LRP1B: variants seen among roughly 807,000 people sequenced by gnomAD.
LRP1B encodes the protein LDL receptor related protein 1B, also known as low-density lipoprotein receptor-related protein 1B.
Under a neutral mutation model 556.6 loss-of-function variants are expected in LRP1B, and 217 were observed. The observed-to-expected ratio is 0.39, with a 90% CI of 0.35 to 0.44. LRP1B has a LOEUF of 0.44. Among genes scored for constraint, LRP1B ranks in the 20% least tolerant of loss-of-function variants. The pLI is 1.00. For missense variants in LRP1B, 5,053 were observed against 5,620.8 expected (o/e 0.90, Z 3.23); for synonymous variants, 2,047 against 1,865.8 (o/e 1.10, Z -2.50).
chr2:141,596,989 G>C (rs779884432), intron 2 of LRP1B, among the ~76,000 whole-genome samples: 4 of 150,810 alleles, frequency 2.7e-5, no homozygotes, highest in Non-Finnish European at 5.9e-5. Flanking sequence ...GTAAAAAAAA[G>C]TCAGAACTGA....
chr2:142,078,922 G>T (rs941455271), intron 1 of LRP1B, among the ~76,000 whole-genome samples: 6 of 152,036 alleles, frequency 3.9e-5, no homozygotes, highest in African/African-American at 1.4e-4. Flanking sequence ...ATTCTATATG[G>T]CTTATAATCT....
chr2:140,323,916 G>T lies in LRP1B; in HGVS notation c.12491C>A (p.Ser4164Tyr). The T allele has an allele frequency of 6.4e-7, 1 of 1,561,696 alleles. No homozygotes were observed. The highest frequency in any genetic ancestry group is 1.1e-5 in the South Asian group (1 of 89,074). ...ACAATCTAGTTGTTTATAACGATGA[G>T]ATATCAAAACACCTTTTGTTTTATC... The part of the protein sequence containing the change: ...NIDKTKGVLI[S>Y]HRYKQLDLPN... Residue 4164 changes from serine to tyrosine, a missense_variant, in exon 81 of 91, where the codon TCT (serine) becomes TAT (tyrosine). This residue lies in a region of LRP1B where 551 missense variants were observed against 592.0 expected (regional missense o/e 0.93). Coordinates refer to ENST00000389484, the MANE Select transcript of LRP1B (RefSeq NM_018557.3).
intron 1 of LRP1B, among the ~76,000 whole-genome samples, chr2:141,815,558 C>T (rs1171060298): frequency 1.3e-5 from 2 of 151,772 alleles, no homozygotes; most frequent in African/African-American, 2.4e-5. Context: ...CCAATCAGTG[C>T]TCTGTAAAAT....
At chr2:141,996,137 G>T (rs574106514) in intron 1 of LRP1B, among the ~76,000 whole-genome samples, 1 of 150,110 alleles carries the variant, frequency 6.7e-6, no homozygotes, top group Non-Finnish European at 1.5e-5. Flanking sequence ...CTGCAGTCCC[G>T]AACCCGGGAG....
chr2:141,320,513 C>T (rs779846683), intron 3 of LRP1B, among the ~76,000 whole-genome samples: 7 of 152,146 alleles, frequency 4.6e-5, no homozygotes, highest in East Asian at 3.9e-4. Context: ...GACACTGATG[C>T]GGAGGACCAC....
intron 25 of LRP1B, among the ~76,000 whole-genome samples, chr2:140,868,487 G>T (rs1036092996): frequency 1.3e-5 from 2 of 151,980 alleles, no homozygotes; most frequent in African/African-American, 4.8e-5. Context: ...GAAAAAAATT[G>T]CTATGAGAGA....
intron 3 of LRP1B, among the ~76,000 whole-genome samples, chr2:141,418,399 T>C (rs77521919): frequency 0.054 from 8,138 of 152,040 alleles, 294 homozygotes; most frequent in South Asian, 0.13. Flanking sequence ...CCATTTGGAG[T>C]TGATTTTTGT....
chr2:140,279,148 A>T (rs1167350018), intron 84 of LRP1B, among the ~76,000 whole-genome samples: 6 of 151,486 alleles, frequency 4.0e-5, no homozygotes, highest in Non-Finnish European at 8.8e-5. Context: ...CTCATTTCCC[A>T]CTCCAAGACT....
chr2:140,242,087 C>T (rs1275239119), intron 87 of LRP1B, among the ~76,000 whole-genome samples: 6 of 150,984 alleles, frequency 4.0e-5, no homozygotes, highest in Admixed American at 2.0e-4. Context: ...AGAGCTAGTA[C>T]AGCATAGCAG....
rs766548213 is a variant in LRP1B, at chr2:140,485,363, C to G, written c.9405G>C (p.Leu3135Phe). 3.1e-6 allele frequency: 5 copies of G among 1,610,590 alleles called. No individual in the cohort carries two copies. The Admixed American group carries it at 8.4e-5, about 27-fold the overall frequency. Reference protein sequence around the residue: ...VSKRLKFPRDLSLDPQAGYLY... With the variant: ...VSKRLKFPRDFSLDPQAGYLY... ...CAAACCCAGCTTGAGGATCTAAAGACAAGTCTCTGGGAAACTTCAGCCTTT... is the reference window on the plus strand; with the variant it reads ...CAAACCCAGCTTGAGGATCTAAAGAGAAGTCTCTGGGAAACTTCAGCCTTT... Residue 3135 changes from leucine (L) to phenylalanine (F), a missense_variant, in exon 59 of 91, where the codon TTG becomes TTC. Physicochemically the swap from Leu to Phe is conservative, Grantham distance 22. Coordinates refer to ENST00000389484, the MANE Select transcript of LRP1B (RefSeq NM_018557.3).
In LRP1B at chr2:140,851,716, A is replaced by G. The variant is rs376438697; in HGVS notation, c.4647T>C (p.Asn1549=). 2.5e-6 allele frequency: 4 copies of G among 1,611,206 alleles called. No homozygotes were observed. The African/African-American group carries it at 4.0e-5, about 16-fold the overall frequency. Residue 1549 remains asparagine (N), a synonymous_variant, in exon 28 of 91, where the codon AAT becomes AAC. Coordinates refer to ENST00000389484, the MANE Select transcript of LRP1B (RefSeq NM_018557.3). The part of the protein sequence containing the change: ...PCSHMCLINH[N]RSAACACPHL... ...GGGGGCACGCACAGGCAGCACTCCT[A>G]TTGTGATTGATTAGACACATGTGAG... is the stretch of plus-strand genomic sequence containing the variant.
chr2:142,067,356 T>C (rs1444733648), intron 1 of LRP1B, among the ~76,000 whole-genome samples: 1 of 151,458 alleles, frequency 6.6e-6, no homozygotes, highest in African/African-American at 2.4e-5. Context: ...AAAAAAAGTT[T>C]AAAAAATGTA....
At chr2:141,663,931 A>C (rs355535) in intron 2 of LRP1B, among the ~76,000 whole-genome samples, 10,786 of 151,510 alleles carry the variant, frequency 0.071, 558 homozygotes, top group African/African-American at 0.13. Context: ...AAAAAAAAAA[A>C]AAAAACAAAA....
chr2:141,797,048 C>G (rs1175822175), intron 2 of LRP1B, among the ~76,000 whole-genome samples: 1 of 149,132 alleles, frequency 6.7e-6, no homozygotes, highest in Non-Finnish European at 1.5e-5. Flanking sequence ...GTGTAAATTT[C>G]TTAAAGTATG....
chr2:141,080,438 G>A lies in LRP1B; in HGVS notation c.1014-18165C>T, dbSNP rs1574053626. On this transcript the variant is annotated intron_variant, in intron 7 of 90. Coordinates refer to ENST00000389484, the MANE Select transcript of LRP1B (RefSeq NM_018557.3). ...ATCTTTAGCTCCTTAATATTATTTT[G>A]TTTCATAACCTGCTTTTCCTGTCTT... Among the ~76,000 whole-genome samples the A allele has an allele frequency of 3.3e-5, 5 of 152,044 alleles. No homozygotes were observed. In the Middle Eastern group the frequency reaches 0.017, roughly 517 times the overall value.
intron 45 of LRP1B, among the ~76,000 whole-genome samples, chr2:140,540,755 A>G (rs1288774313): frequency 6.6e-6 from 1 of 152,114 alleles, no homozygotes; most frequent in African/African-American, 2.4e-5. Flanking sequence ...CAGGAGGGTA[A>G]AAACATTTGT....
intron 35 of LRP1B, among the ~76,000 whole-genome samples, chr2:140,768,774 T>C (rs1163921703): frequency 1.3e-5 from 2 of 151,972 alleles, no homozygotes; most frequent in Admixed American, 6.6e-5. Context: ...GCATGTATAA[T>C]TGTTTCTAGT....
intron 7 of LRP1B, among the ~76,000 whole-genome samples, chr2:141,105,642 G>A (rs1039326624): frequency 1.3e-5 from 2 of 150,468 alleles, no homozygotes; most frequent in African/African-American, 4.8e-5. Flanking sequence ...TTGACCACCT[G>A]TCAAACTCTT....
intron 3 of LRP1B, among the ~76,000 whole-genome samples, chr2:141,356,303 A>C (rs946764676): frequency 6.6e-6 from 1 of 152,188 alleles, no homozygotes; most frequent in Non-Finnish European, 1.5e-5. Context: ...CTTCCCTGGA[A>C]GCCCTGATAG....
Sources: gnomAD v4.1 joint callset for allele counts (sites outside exome capture counted in the v4.1 genomes callset) on GRCh38, gnomAD v4.1.1 for gene constraint, gnomAD v4.1.1 regional missense constraint, MANE v1.5 for transcripts, NCBI Gene and HGNC (gene_info 2026-07-23, HGNC 2026-07-21) for gene names.